SEC31B: variants seen among roughly 807,000 people sequenced by gnomAD.
SEC31B encodes SEC31 homolog B, COPII component, also known as protein transport protein Sec31B.
Under a neutral mutation model 135.0 loss-of-function variants are expected in SEC31B, and 113 were observed. The observed-to-expected ratio is 0.84, with a 90% CI of 0.72 to 0.98. The LOEUF (loss-of-function observed/expected upper bound fraction) is 0.98. Among genes scored for constraint, SEC31B ranks in the 50% least tolerant of loss-of-function variants. The pLI, the probability that SEC31B is intolerant of heterozygous loss-of-function variation, is 0.00. For synonymous variants in SEC31B, 508 were observed against 549.4 expected, an observed-to-expected ratio of 0.92 and a Z score of 1.05; for missense variants, 1,296 against 1,421.1, an observed-to-expected ratio of 0.91 and a Z score of 1.42.
chr10:100,502,998 C>T (rs1851551342), intron 10 of SEC31B, among the ~76,000 whole-genome samples: 1 of 152,190 alleles, frequency 6.6e-6, no homozygotes, highest in Non-Finnish European at 1.5e-5. Context: ...ATTCAGGAGC[C>T]TGTGTGGTTT....
intron 1 of SEC31B, among the ~76,000 whole-genome samples, chr10:100,519,289 T>G (rs1043244338): frequency 2.6e-5 from 4 of 152,182 alleles, no homozygotes; most frequent in Non-Finnish European, 5.9e-5. Flanking sequence ...AGATTGGCCA[T>G]GGGGGCGTGA....
chr10:100,502,584 G>C, intron 10 of SEC31B, 100 bp from the exon 11 acceptor site: 1 of 716,488 alleles, frequency 1.4e-6, no homozygotes, highest in Non-Finnish European at 2.3e-6. Flanking sequence ...CTGACCCTAG[G>C]CTAGGAAATA....
Position 100,509,001 on chromosome 10 carries a change from G to A in SEC31B, c.495+6C>T. Reference sequence around the variant, plus strand: ...TCCAGGGTTGGGTAGTGGGGGTGCTGCTCACCTGTGACTTGGATCCCAGGG... The same window carrying A: ...TCCAGGGTTGGGTAGTGGGGGTGCTACTCACCTGTGACTTGGATCCCAGGG... On this transcript the variant is annotated splice_donor_region_variant and intron_variant, in intron 5 of 25. Coordinates refer to ENST00000370345, the MANE Select transcript of SEC31B (RefSeq NM_015490.4). 6.2e-7 allele frequency: 1 copy of A among 1,610,314 alleles called. No individual in the cohort carries two copies. Among genetic ancestry groups the A allele is most frequent in the Non-Finnish European group, 8.5e-7 (1 of 1,176,596 alleles).
At chr10:100,508,920 G>C in intron 5 of SEC31B, 87 bp downstream of exon 5, 1 of 1,032,124 alleles carries the variant, frequency 9.7e-7, no homozygotes, top group South Asian at 1.3e-5. Context: ...GATATCTCTT[G>C]AGCTCTGATT....
chr10:100,489,882 T>C, intron 21 of SEC31B, 121 bp from the exon 22 acceptor site: 1 of 1,552,910 alleles, frequency 6.4e-7, no homozygotes, highest in Non-Finnish European at 8.7e-7. Context: ...GCAGACCATC[T>C]ACACTCCCAG....
chr10:100,490,856 C>T lies in SEC31B; in HGVS notation c.2500G>A (p.Val834Ile), dbSNP rs1487560686. The T allele has an allele frequency of 6.5e-7, 1 of 1,547,854 alleles. No individual in the cohort carries two copies. ...GCTGGTGATGACTGAGGGGTGAAAA[C>T]CCTTGGCCTTGGAGATGGAGTTGGG... ...QVPTPSPRPRVFTPQSSPAMP... is the reference protein window; with the variant it reads ...QVPTPSPRPRIFTPQSSPAMP... The change falls in exon 20 of 26, where the codon GTT becomes ATT. Residue 834 changes from valine to isoleucine, a missense_variant. Val to Ile is a conservative substitution (Grantham distance 29). Coordinates refer to ENST00000370345, the MANE Select transcript of SEC31B (RefSeq NM_015490.4).
At position 100,507,986 on chromosome 10, in the gene SEC31B, A is replaced by G. The variant is rs1564653010; in HGVS notation, c.561T>C (p.Ala187=). The change falls in exon 6 of 26, where the codon GCT becomes GCC. Residue 187 remains alanine (A), a synonymous_variant. Transcript: ENST00000370345. ...ACACAACTGCCTTGCCACTGGGGTG[A>G]GCAGAAGACAGAATGTGTTGGGCTT... is the stretch of plus-strand genomic sequence containing the variant. The part of the protein sequence containing the change: ...NRQAQHILSS[A]HPSGKAVVWD... 6.2e-7 allele frequency: 1 copy of G among 1,614,216 alleles called. No homozygotes were observed. The highest frequency in any genetic ancestry group is 8.5e-7 in the Non-Finnish European group (1 of 1,180,036).
Position 100,508,072 on chromosome 10 carries a change from A to C in SEC31B, c.496-21T>G, listed in dbSNP as rs367807008. The C allele has an allele frequency of 1.9e-6, 3 of 1,613,616 alleles. No homozygotes were observed. The African/African-American group carries it at 4.0e-5, about 22-fold the overall frequency. On this transcript the variant is annotated intron_variant, in intron 5 of 25. Transcript: ENST00000370345. ...GGCTGCTAAGGCAGGATGGGGACAGAAAGATGACAACTTGTCACCCCCTGG... is the reference window on the plus strand; with the variant it reads ...GGCTGCTAAGGCAGGATGGGGACAGCAAGATGACAACTTGTCACCCCCTGG...
At chr10:100,494,615 TTC>T (rs1851368428) in intron 19 of SEC31B, among the ~76,000 whole-genome samples, 1 of 152,216 alleles carries the variant, frequency 6.6e-6, no homozygotes, top group African/African-American at 2.4e-5. Context: ...GTACATGCTA[TTC>T]TCTGTGCCTG....
At chr10:100,500,638 GAGAAGACCTCTGGT>G (rs1851504343) in intron 11 of SEC31B, among the ~76,000 whole-genome samples, 1 of 152,036 alleles carries the variant, frequency 6.6e-6, no homozygotes, top group Non-Finnish European at 1.5e-5. Flanking sequence ...ATGTTTCTTT[GAGAAGACCTCTGGT>G]AGAAGTTGCA....
At position 100,502,328 on chromosome 10, in the gene SEC31B, G is replaced by T; in HGVS notation, c.1336C>A (p.Leu446Ile). ...ELQEALGSGNLLNYCQNKSQQ... is the reference protein window; with the variant it reads ...ELQEALGSGNILNYCQNKSQQ... ...CTCTTGTTCTGACAGTAATTCAGTA[G>T]ATTTCCTGATCCCAAGGCCTCCTGC... The change falls in exon 11 of 26, where the codon CTA becomes ATA. Residue 446 changes from leucine to isoleucine, a missense_variant. Leu to Ile is a conservative substitution (Grantham distance 5). Transcript: ENST00000370345. The T allele has an allele frequency of 6.2e-7, 1 of 1,614,160 alleles. No individual in the cohort carries two copies. Among genetic ancestry groups the T allele is most frequent in the Non-Finnish European group, 8.5e-7 (1 of 1,180,040 alleles).
In SEC31B at chr10:100,509,638, C is replaced by T. The variant is rs1589739675; in HGVS notation, c.204-127G>A. ...CCCCTAGCTGGAACTTGCCTGTCTC[C>T]TTCATTTCCCAGACAGAAGGGATGT... is the stretch of plus-strand genomic sequence containing the variant. On this transcript the variant is annotated intron_variant, in intron 3 of 25. Coordinates refer to ENST00000370345, the MANE Select transcript of SEC31B (RefSeq NM_015490.4). 1.2e-5 allele frequency: 8 copies of T among 675,784 alleles called. No homozygotes were observed. The East Asian group carries it at 2.2e-4, about 19-fold the overall frequency. The allele number at this position is 675,784 out of a possible 1,614,324, so 41.9% of individuals were successfully genotyped here. A position where few individuals can be genotyped will look rare whatever the true frequency, so the allele number is the denominator to read the frequency against.
chr10:100,492,221 C>T (rs553798775), intron 19 of SEC31B, among the ~76,000 whole-genome samples: 44 of 152,232 alleles, frequency 2.9e-4, no homozygotes, highest in Non-Finnish European at 5.7e-4. Context: ...CATTCATGTT[C>T]ACTATTTATT....
Position 100,487,207 on chromosome 10 carries a change from ACC to A in SEC31B, c.*407_*408del. 5.0e-6 allele frequency: 1 copy of A among 201,128 alleles called. No homozygotes were observed. The highest frequency in any genetic ancestry group is 1.0e-5 in the Non-Finnish European group (1 of 98,912). The allele number at this position is 201,128 out of a possible 1,614,324, so 12.5% of individuals were successfully genotyped here. The stretch of plus-strand genomic sequence containing the variant: ...GGAAAAGGTAAGGGCAGGCTCATAA[ACC>A]ACAGAAGGGAGAAACAAAAGACCCA... On this transcript the variant is annotated 3_prime_UTR_variant, in exon 26 of 26. Coordinates refer to ENST00000370345, the MANE Select transcript of SEC31B (RefSeq NM_015490.4).
chr10:100,513,226 A>G (rs1466018833), intron 3 of SEC31B, among the ~76,000 whole-genome samples: 1 of 152,196 alleles, frequency 6.6e-6, no homozygotes, highest in Non-Finnish European at 1.5e-5. Context: ...ATGTGATTTA[A>G]TCTTCCAACA....
In SEC31B at chr10:100,489,296, C is replaced by T. The variant is rs144175402; in HGVS notation, c.3127G>A (p.Val1043Met). 3 of 1,613,096 alleles carry T rather than the reference C, an allele frequency of 1.9e-6. No individual in the cohort carries two copies. The African/African-American group carries it at 4.0e-5, about 22-fold the overall frequency. Residue 1043 changes from valine to methionine, a missense_variant, in exon 23 of 26, where the codon GTG (valine) becomes ATG (methionine). Coordinates refer to ENST00000370345, the MANE Select transcript of SEC31B (RefSeq NM_015490.4). ...GGAACTCCTGGGGGAGCATGACTCA[C>T]ACTGGAGACAGGGGGCTGTGAGGGA... ...ILPSQPPVSS[V>M]SHAPPGVPGE...
intron 6 of SEC31B, 91 bp downstream of exon 6, chr10:100,507,817 C>G: frequency 1.3e-6 from 2 of 1,554,126 alleles, no homozygotes; most frequent in Non-Finnish European, 1.8e-6. Context: ...CAGCTGAAAG[C>G]AGGACTCTGG....
chr10:100,506,974 AG>A (rs1282608058), intron 7 of SEC31B, among the ~76,000 whole-genome samples: 3 of 152,166 alleles, frequency 2.0e-5, no homozygotes, highest in Admixed American at 1.3e-4. Context: ...AAAAAAATAA[AG>A]GTACCCAAGG....
chr10:100,497,532 AG>A, intron 16 of SEC31B, 134 bp downstream of exon 16: 1 of 1,544,120 alleles, frequency 6.5e-7, no homozygotes, highest in Non-Finnish European at 8.7e-7. Flanking sequence ...CTCCTGGCTG[AG>A]CCAGATTCTA....
Sources: gnomAD v4.1 joint callset for allele counts (sites outside exome capture counted in the v4.1 genomes callset) on GRCh38, gnomAD v4.1.1 for gene constraint, MANE v1.5 for transcripts, NCBI Gene and HGNC (gene_info 2026-07-23, HGNC 2026-07-21) for gene names.